The following CD8B2 variants were observed in gnomAD, a reference collection of about 807,000 sequenced individuals.
CD8B2 encodes the protein T-cell surface glycoprotein CD8 beta-2 chain.
A neutral mutation model predicts 23.7 loss-of-function variants in CD8B2; 11 were observed. That is an observed-to-expected ratio of 0.46 (90% confidence interval 0.29 to 0.77). The LOEUF (loss-of-function observed/expected upper bound fraction) is 0.77, where lower values mean the gene tolerates loss of function less well. CD8B2 is among the 30% of genes least tolerant of loss of function. The probability of loss-of-function intolerance (pLI) is 0.09; values close to 1 mark genes in which losing one functional copy is unlikely to be tolerated. For missense variants in CD8B2, 197 were observed against 270.5 expected, an observed-to-expected ratio of 0.73 and a Z score of 1.91; for synonymous variants, 90 against 109.3, an observed-to-expected ratio of 0.82 and a Z score of 1.10.
rs953159140 is a variant in CD8B2 at position 106,490,763 on chromosome 2, T to C, written c.44-111T>C. On this transcript the variant is annotated intron_variant, in intron 1 of 5. Transcript: ENST00000643224. Reference sequence around the variant, plus strand: ...CAACACACTCCCTGGACCCAGTAACTGGGCAGGTTCTTCCATGGCTTTTCC... The same window carrying C: ...CAACACACTCCCTGGACCCAGTAACCGGGCAGGTTCTTCCATGGCTTTTCC... The C allele has an allele frequency of 2.4e-5, 37 of 1,515,330 alleles. No individual in the cohort carries two copies. In the South Asian group the frequency reaches 4.1e-4, roughly 17 times the overall value. 93.9% of individuals were successfully genotyped at this position (1,515,330 alleles called of 1,614,324 possible).
chr2:106,513,515 G>A (rs1679676744), downstream of CD8B2, among the ~76,000 whole-genome samples: 1 of 150,834 alleles, frequency 6.6e-6, no homozygotes, highest in Non-Finnish European at 1.5e-5. Flanking sequence ...TACAGATTTT[G>A]TGGAGGTCTC....
intron 5 of CD8B2, among the ~76,000 whole-genome samples, chr2:106,530,875 G>A (rs1415994592): frequency 6.6e-6 from 1 of 152,152 alleles, no homozygotes; most frequent in Non-Finnish European, 1.5e-5. Context: ...CCAGCTCCTT[G>A]ACAGTTTACA....
At chr2:106,520,001 G>A (rs6757159) in intron 5 of CD8B2, among the ~76,000 whole-genome samples, 74,071 of 151,864 alleles carry the variant, frequency 0.49, 18,186 homozygotes, top group East Asian at 0.73. Context: ...GGAAAGCCCT[G>A]CCTACACCCG....
intron 5 of CD8B2, among the ~76,000 whole-genome samples, chr2:106,517,010 A>G: frequency 6.7e-6 from 1 of 148,392 alleles, no homozygotes; most frequent in East Asian, 1.9e-4. Flanking sequence ...TATATTTTAT[A>G]TATTTCATAT....
chr2:106,494,266 A>G (rs146283083), intron 2 of CD8B2, among the ~76,000 whole-genome samples: 15,315 of 150,994 alleles, frequency 0.1, 852 homozygotes, highest in Middle Eastern at 0.16. Context: ...TGCTGCCTCA[A>G]CCTCTTGAGT....
chr2:106,536,704 C>G (rs1390585618), intron 5 of CD8B2, among the ~76,000 whole-genome samples: 3 of 152,086 alleles, frequency 2.0e-5, no homozygotes, highest in African/African-American at 7.2e-5. Context: ...AGGTGCATCT[C>G]AAAGGGTGTG....
rs1459909675 is a variant in CD8B2, at chr2:106,507,750, T to G, written c.*810T>G. Reference sequence around the variant, plus strand: ...GGAACAGAAACCAGAAGGAGAAAATTTGTACATCCTCCTTTTGCACCTGAG... The same window carrying G: ...GGAACAGAAACCAGAAGGAGAAAATGTGTACATCCTCCTTTTGCACCTGAG... On this transcript the variant is annotated 3_prime_UTR_variant, in exon 6 of 6. Coordinates refer to ENST00000643224, the MANE Select transcript of CD8B2 (RefSeq NM_001349727.2). 6 of 564,036 alleles carry G rather than the reference T, an allele frequency of 1.1e-5. No homozygotes were observed. The highest frequency in any genetic ancestry group is 1.3e-5 in the Non-Finnish European group (6 of 445,220). The allele number at this position is 564,036 out of a possible 1,614,324, so 34.9% of individuals were successfully genotyped here.
intron 5 of CD8B2, among the ~76,000 whole-genome samples, chr2:106,519,630 C>G (rs753421806): frequency 2.0e-5 from 3 of 152,190 alleles, no homozygotes; most frequent in Non-Finnish European, 4.4e-5. Flanking sequence ...GAGACCCAAA[C>G]ACATGCAGGC....
intron 5 of CD8B2, among the ~76,000 whole-genome samples, chr2:106,540,129 AT>A (rs1287027074): frequency 2.6e-5 from 4 of 152,176 alleles, no homozygotes; most frequent in Non-Finnish European, 5.9e-5. Context: ...AAAAAAGAAA[AT>A]GACAGCTTCA....
chr2:106,504,502 CTT>C (rs1392248536), intron 5 of CD8B2, among the ~76,000 whole-genome samples, 177 bp downstream of exon 5: 4 of 152,118 alleles, frequency 2.6e-5, no homozygotes, highest in Admixed American at 6.5e-5. Flanking sequence ...AGGAGGATCA[CTT>C]GAGCCCAGGG....
At chr2:106,505,959 C>T (rs1295018552) in intron 5 of CD8B2, among the ~76,000 whole-genome samples, 2 of 152,064 alleles carry the variant, frequency 1.3e-5, no homozygotes, top group African/African-American at 4.8e-5. Flanking sequence ...TGGTGAAACC[C>T]CATCTCTACT....
chr2:106,505,688 G>A (rs902154997), intron 5 of CD8B2, among the ~76,000 whole-genome samples: 4 of 152,176 alleles, frequency 2.6e-5, no homozygotes, highest in Non-Finnish European at 5.9e-5. Flanking sequence ...TATCGAGAGT[G>A]GCTTAAACAT....
chr2:106,506,218 G>A (rs1375107542), intron 5 of CD8B2, among the ~76,000 whole-genome samples: 1 of 151,826 alleles, frequency 6.6e-6, no homozygotes, highest in Admixed American at 6.6e-5. Context: ...GGTACTAACT[G>A]TGGTCTGGGT....
intron 5 of CD8B2, among the ~76,000 whole-genome samples, chr2:106,519,876 G>T (rs768880126): frequency 9.9e-5 from 15 of 152,230 alleles, no homozygotes; most frequent in Non-Finnish European, 2.1e-4. Context: ...GCCACATGGA[G>T]CCCGTGGGCC....
At chr2:106,515,877 C>A (rs1482834817), downstream of CD8B2, among the ~76,000 whole-genome samples, 3 of 151,742 alleles carry the variant, frequency 2.0e-5, no homozygotes, top group South Asian at 2.1e-4. Flanking sequence ...GGCTGGAGTG[C>A]AATGGCGTGA....
Position 106,497,242 on chromosome 2 carries a change from C to T in CD8B2, c.493+980C>T, listed in dbSNP as rs190115292. ...GAGCTGAGATCCTGCCACTGCACTCCAGCCTGGGTGATAGAGCCAGGCCCT... is the reference window on the plus strand; with the variant it reads ...GAGCTGAGATCCTGCCACTGCACTCTAGCCTGGGTGATAGAGCCAGGCCCT... On this transcript the variant is annotated intron_variant, in intron 3 of 5. Coordinates refer to ENST00000643224, the MANE Select transcript of CD8B2 (RefSeq NM_001349727.2). Among the ~76,000 whole-genome samples the T allele has an allele frequency of 3.9e-3, 596 of 152,314 alleles. 5 individuals carry two copies. The highest frequency in any genetic ancestry group is 3.4e-3 in the Admixed American group (52 of 15,300).
chr2:106,497,763 C>A (rs971866440), intron 3 of CD8B2, among the ~76,000 whole-genome samples: 4 of 152,132 alleles, frequency 2.6e-5, no homozygotes, highest in African/African-American at 9.7e-5. Context: ...TTAAGAGTAA[C>A]CTTATTTTAC....
chr2:106,520,617 C>T (rs907291650), intron 5 of CD8B2, among the ~76,000 whole-genome samples: 5 of 152,152 alleles, frequency 3.3e-5, no homozygotes, highest in African/African-American at 1.2e-4. Context: ...TTAGGCCGGG[C>T]ATGGTGGCTC....
At chr2:106,504,429 A>G in intron 5 of CD8B2, 104 bp downstream of exon 5, 4 of 1,543,614 alleles carry the variant, frequency 2.6e-6, no homozygotes, top group South Asian at 1.2e-5. Context: ...TCTTCCAAAG[A>G]TCATAGACTC....
Sources: allele counts gnomAD v4.1 joint callset (sites outside exome capture counted in the v4.1 genomes callset), GRCh38; gene constraint gnomAD v4.1.1; transcripts MANE v1.5; gene names NCBI Gene and HGNC (gene_info 2026-07-23, HGNC 2026-07-21).